Variants in SLC24A3 observed in about 807,000 individuals in gnomAD.
SLC24A3 encodes solute carrier family 24 member 3.
In SLC24A3, 28 loss-of-function variants were observed where a neutral mutation model predicts 75.8. The ratio of observed to expected loss-of-function variants is 0.37; its 90% CI spans 0.27 to 0.51. SLC24A3 has a LOEUF of 0.51. Among genes scored for constraint, SLC24A3 ranks in the 20% least tolerant of loss-of-function variants. SLC24A3 has a pLI of 0.94. For synonymous variants in SLC24A3, 372 were observed against 334.1 expected, an observed-to-expected ratio of 1.11 and a Z score of -1.24; for missense variants, 663 against 847.8, an observed-to-expected ratio of 0.78 and a Z score of 2.71.
intron 2 of SLC24A3, among the ~76,000 whole-genome samples, chr20:19,349,524 G>A (rs557055704): frequency 6.6e-6 from 1 of 152,296 alleles, no homozygotes; most frequent in African/African-American, 2.4e-5. Flanking sequence ...AGAAGTTCCA[G>A]GAGAATGAAG....
intron 1 of SLC24A3, among the ~76,000 whole-genome samples, chr20:19,272,692 C>G (rs1983365910): frequency 6.6e-6 from 1 of 152,194 alleles, no homozygotes; most frequent in African/African-American, 2.4e-5. Context: ...GGGGTGGGAC[C>G]CATGGACCTG....
At chr20:19,526,804 A>C (rs541148699) in intron 3 of SLC24A3, among the ~76,000 whole-genome samples, 5 of 152,272 alleles carry the variant, frequency 3.3e-5, no homozygotes, top group Non-Finnish European at 7.3e-5. Context: ...TGATTTTTCT[A>C]AAAAATGTGG....
chr20:19,582,241 G>A (rs2122634197), intron 4 of SLC24A3, among the ~76,000 whole-genome samples: 1 of 152,322 alleles, frequency 6.6e-6, no homozygotes, highest in Non-Finnish European at 1.5e-5. Context: ...TCTCGGCCCT[G>A]GATTCTGTTT....
At chr20:19,436,492 C>T (rs1019462457) in intron 2 of SLC24A3, among the ~76,000 whole-genome samples, 6 of 152,218 alleles carry the variant, frequency 3.9e-5, no homozygotes, top group Admixed American at 3.3e-4. Flanking sequence ...ATATCTTCCC[C>T]ACCTCAACCC....
chr20:19,340,626 C>A (rs1985251317), intron 2 of SLC24A3, among the ~76,000 whole-genome samples: 1 of 152,114 alleles, frequency 6.6e-6, no homozygotes, highest in African/African-American at 2.4e-5. Flanking sequence ...TGAAGAGAGG[C>A]CATTGACAAA....
Position 19,416,569 on chromosome 20 carries a change from C to T in SLC24A3, c.272-98919C>T, listed in dbSNP as rs563953409. On this transcript the variant is annotated intron_variant, in intron 2 of 16. Transcript: ENST00000328041. ...GCTCTGCCCAAGGACACCTGCAAGC[C>T]GGTGCCTTGTCCTGCTGGTTCCCAA... Among the ~76,000 whole-genome samples, 5 of 152,244 alleles carry T rather than the reference C, an allele frequency of 3.3e-5. No homozygotes were observed. In the South Asian group the frequency reaches 6.2e-4, roughly 19 times the overall value.
chr20:19,569,377 G>A (rs2031013199), intron 3 of SLC24A3, among the ~76,000 whole-genome samples: 1 of 152,218 alleles, frequency 6.6e-6, no homozygotes, highest in Admixed American at 6.5e-5. Context: ...TTCATGTTGA[G>A]TTAGACTTAA....
intron 10 of SLC24A3, 64 bp downstream of exon 10, chr20:19,682,055 C>T: frequency 6.5e-7 from 1 of 1,535,710 alleles, no homozygotes; most frequent in Non-Finnish European, 8.9e-7. Context: ...GAGTTCAAGA[C>T]CAGCCTGGCC....
At chr20:19,284,056 A>G (rs1433732473) in intron 2 of SLC24A3, 2 of 152,820 alleles carry the variant, frequency 1.3e-5, no homozygotes, top group African/African-American at 4.8e-5. Context: ...AATGAATGCC[A>G]TCATCTCTGC....
At chr20:19,546,555 G>C (rs2122593754) in intron 3 of SLC24A3, among the ~76,000 whole-genome samples, 1 of 152,266 alleles carries the variant, frequency 6.6e-6, no homozygotes, top group East Asian at 1.9e-4. Flanking sequence ...TCCCTGCAAG[G>C]CAGCTGCATA....
At chr20:19,646,841 C>CTGTGTG (rs74180956) in intron 6 of SLC24A3, among the ~76,000 whole-genome samples, 6,447 of 144,612 alleles carry the variant, frequency 0.045, 209 homozygotes, top group African/African-American at 0.09. Context: ...TTACAAAACT[C>CTGTGTG]TGTGTGTGTG....
At chr20:19,710,134 T>A (rs1204962038) in intron 15 of SLC24A3, among the ~76,000 whole-genome samples, 1 of 152,230 alleles carries the variant, frequency 6.6e-6, no homozygotes, top group Non-Finnish European at 1.5e-5. Flanking sequence ...ATGCCACATA[T>A]GTTCCAAGTT....
At position 19,525,612 on chromosome 20, in the gene SLC24A3, T is replaced by C. The variant is rs543497305; in HGVS notation, c.348+10048T>C. 4.3e-4 allele frequency among the ~76,000 whole-genome samples: 66 copies of C among 151,920 alleles called. 1 individual carries two copies. Among genetic ancestry groups the C allele is most frequent in the African/African-American group, 1.5e-3 (63 of 41,418 alleles). Reference sequence around the variant, plus strand: ...TTGTCTGTCGAGGGCTGCTTGGGGGTCCCAAACTCATAGCATTTCCAGTCG... The same window carrying C: ...TTGTCTGTCGAGGGCTGCTTGGGGGCCCCAAACTCATAGCATTTCCAGTCG... On this transcript the variant is annotated intron_variant, in intron 3 of 16. Coordinates refer to ENST00000328041, the MANE Select transcript of SLC24A3 (RefSeq NM_020689.4).
At chr20:19,415,680 G>A (rs1600471979) in intron 2 of SLC24A3, among the ~76,000 whole-genome samples, 1 of 151,954 alleles carries the variant, frequency 6.6e-6, no homozygotes, top group Non-Finnish European at 1.5e-5. Context: ...CCCTGGTCAG[G>A]GATTTCGGCT....
In SLC24A3 at chr20:19,382,222, T is replaced by C. The variant is rs1231413634; in HGVS notation, c.271+101135T>C. ...CAATTCATATGCCAGGGCCTACAAA[T>C]GTGGAGGAAAATCGCACTTCTTATC... On this transcript the variant is annotated intron_variant, in intron 2 of 16. Transcript: ENST00000328041. Among the ~76,000 whole-genome samples, 6 of 152,132 alleles carry C rather than the reference T, an allele frequency of 3.9e-5. No individual in the cohort carries two copies. In the East Asian group the frequency reaches 1.2e-3, roughly 29 times the overall value.
In SLC24A3 at chr20:19,412,630, AGGG is replaced by A. The variant is rs796639171; in HGVS notation, c.272-102853_272-102851del. Among the ~76,000 whole-genome samples, 784 of 147,254 alleles carry A rather than the reference AGGG, an allele frequency of 5.3e-3. 4 individuals are homozygous for A. Among genetic ancestry groups the A allele is most frequent in the African/African-American group, 0.018 (741 of 40,306 alleles). On this transcript the variant is annotated intron_variant, in intron 2 of 16. Coordinates refer to ENST00000328041, the MANE Select transcript of SLC24A3 (RefSeq NM_020689.4). ...GAGGAGCAAGAGGAGGAGGAGGAGGAGGGGGGGAGGAGGAGCACCTGAAGGCAG... is the reference window on the plus strand; with the variant it reads ...GAGGAGCAAGAGGAGGAGGAGGAGGAGGGGAGGAGGAGCACCTGAAGGCAG...
At chr20:19,309,564 CA>C (rs11477155) in intron 2 of SLC24A3, among the ~76,000 whole-genome samples, 23,392 of 152,014 alleles carry the variant, frequency 0.15, 4,396 homozygotes, top group African/African-American at 0.43. Flanking sequence ...TACCTATGCA[CA>C]CTGAATTTTG....
chr20:19,269,331 T>C (rs1279501966), intron 1 of SLC24A3, among the ~76,000 whole-genome samples: 1 of 151,962 alleles, frequency 6.6e-6, no homozygotes, highest in African/African-American at 2.4e-5. Context: ...TCCTGGGGAG[T>C]GTTTCAGGAG....
intron 6 of SLC24A3, among the ~76,000 whole-genome samples, chr20:19,588,135 T>A (rs2031325496): frequency 6.6e-6 from 1 of 152,114 alleles, no homozygotes; most frequent in South Asian, 2.1e-4. Context: ...CTGTGCTGTC[T>A]ACCAGTGGGA....
Sources: allele counts gnomAD v4.1 joint callset (sites outside exome capture counted in the v4.1 genomes callset), GRCh38; gene constraint gnomAD v4.1.1; transcripts MANE v1.5; gene names NCBI Gene and HGNC (gene_info 2026-07-23, HGNC 2026-07-21).